Variants in TRPV2 observed in about 807,000 individuals in gnomAD.
TRPV2 encodes OTRPC2.
In TRPV2, 58 loss-of-function variants were observed where a neutral mutation model predicts 91.0. The observed-to-expected ratio is 0.64, with a 90% CI of 0.52 to 0.79. The LOEUF (loss-of-function observed/expected upper bound fraction) is 0.79, where lower values mean the gene tolerates loss of function less well. Among genes scored for constraint, TRPV2 ranks in the 30% least tolerant of loss-of-function variants. The pLI is 0.00. For synonymous variants in TRPV2, 417 were observed against 414.8 expected, an observed-to-expected ratio of 1.01 and a Z score of -0.06; for missense variants, 807 against 969.6, an observed-to-expected ratio of 0.83 and a Z score of 2.23.
chr17:16,428,703 CAG>C, intron 9 of TRPV2, 112 bp from the exon 10 acceptor site: 1 of 1,209,628 alleles, frequency 8.3e-7, no homozygotes, highest in Admixed American at 2.1e-5. Context: ...CTGAGGCCCA[CAG>C]AGGTTAAATG....
Position 16,420,006 on chromosome 17 carries a change from G to C in TRPV2, c.201-109G>C. 5 of 1,458,832 alleles carry C rather than the reference G, an allele frequency of 3.4e-6. No individual in the cohort carries two copies. The South Asian group carries it at 6.9e-5, about 20-fold the overall frequency. 90.4% of individuals were successfully genotyped at this position (1,458,832 alleles called of 1,614,324 possible). A position where few individuals can be genotyped will look rare whatever the true frequency, so the allele number is the denominator to read the frequency against. On this transcript the variant is annotated intron_variant, in intron 2 of 14. Transcript: ENST00000338560. Reference sequence around the variant, plus strand: ...CTCTCACTGGGCTCCTGGGCCTGAGGGGTGTGCAGTGTGTACAGGACTCCC... The same window carrying C: ...CTCTCACTGGGCTCCTGGGCCTGAGCGGTGTGCAGTGTGTACAGGACTCCC...
chr17:16,431,866 G>A lies in TRPV2; in HGVS notation c.1654+16G>A, dbSNP rs563005967. ...TTCGCTGTAGGTAAAGGCTCCCTCCGGCCCCCTCCCCCTTCCCCACGTTCC... is the reference window on the plus strand; with the variant it reads ...TTCGCTGTAGGTAAAGGCTCCCTCCAGCCCCCTCCCCCTTCCCCACGTTCC... On this transcript the variant is annotated intron_variant, in intron 11 of 14. Transcript: ENST00000338560. The A allele has an allele frequency of 1.4e-5, 23 of 1,613,932 alleles. No homozygotes were observed. In the East Asian group the frequency reaches 1.6e-4, roughly 11 times the overall value.
intron 2 of TRPV2, 114 bp downstream of exon 2, chr17:16,417,982 G>A: frequency 1.9e-6 from 2 of 1,067,958 alleles, no homozygotes; most frequent in Non-Finnish European, 2.7e-6. Flanking sequence ...CACAGCCTGT[G>A]GAGTCCTCAG....
chr17:16,426,771 C>T lies in TRPV2; in HGVS notation c.1145C>T (p.Ala382Val), dbSNP rs750738797. ...GAGCCCCTGAACAAACTGCTGCAGG[C>T]GAAATGGGATCTGCTCATCCCCAAG... ...VLEPLNKLLQ[A>V]KWDLLIPKFF... Residue 382 changes from alanine to valine, a missense_variant, in exon 7 of 15, where the codon GCG becomes GTG. Ala to Val is a moderately conservative substitution (Grantham distance 64). Transcript: ENST00000338560. This position sits in a 1 kb window ranked among gnomAD's most constrained non-coding sequence, Gnocchi z 6.0. The T allele has an allele frequency of 3.7e-6, 6 of 1,614,004 alleles. No homozygotes were observed. The highest frequency in any genetic ancestry group is 3.3e-5 in the Admixed American group (2 of 60,010).
At position 16,426,382 on chromosome 17, in the gene TRPV2, G is replaced by C; in HGVS notation, c.1095+113G>C. ...TCTGCCCCATTCCTGTGCCAGTGGGGGTGTGGCTGCATGTCCCAGCAGGCA... is the reference window on the plus strand; with the variant it reads ...TCTGCCCCATTCCTGTGCCAGTGGGCGTGTGGCTGCATGTCCCAGCAGGCA... On this transcript the variant is annotated intron_variant, in intron 6 of 14. Coordinates refer to ENST00000338560, the MANE Select transcript of TRPV2 (RefSeq NM_016113.5). The surrounding 1 kb of genome is among the most constrained non-coding windows in gnomAD (Gnocchi z 6.0). The C allele has an allele frequency of 7.5e-7, 1 of 1,339,658 alleles. No individual in the cohort carries two copies. The highest frequency in any genetic ancestry group is 1.0e-6 in the Non-Finnish European group (1 of 983,934). 83.0% of individuals were successfully genotyped at this position (1,339,658 alleles called of 1,614,324 possible). A position where few individuals can be genotyped will look rare whatever the true frequency, so the allele number is the denominator to read the frequency against.
rs138068074 is a variant in TRPV2, at chr17:16,433,544, C to T, written c.1990-30C>T. 55 of 1,610,796 alleles carry T rather than the reference C, an allele frequency of 3.4e-5. No homozygotes were observed. In the African/African-American group the frequency reaches 5.7e-4, roughly 17 times the overall value. ...TTTGCCCCCAGGCAGGGTCCCAGGA[C>T]GTTCTGTCTGATGCATCCTTTGTCC... On this transcript the variant is annotated intron_variant, in intron 12 of 14. Coordinates refer to ENST00000338560, the MANE Select transcript of TRPV2 (RefSeq NM_016113.5).
chr17:16,419,539 C>T, intron 2 of TRPV2: 1 of 403,590 alleles, frequency 2.5e-6, no homozygotes, highest in Non-Finnish European at 5.0e-6. Context: ...TGGCAAGTTA[C>T]ATGACCTCCT....
At chr17:16,433,465 GT>G in intron 12 of TRPV2, 108 bp from the exon 13 acceptor site, 2 of 1,478,234 alleles carry the variant, frequency 1.4e-6, no homozygotes, top group Non-Finnish European at 1.8e-6. Context: ...TTGACTTCGC[GT>G]TATACTGTGA....
chr17:16,424,571 C>T (rs2093374142), intron 5 of TRPV2, among the ~76,000 whole-genome samples: 1 of 152,200 alleles, frequency 6.6e-6, no homozygotes, highest in Non-Finnish European at 1.5e-5. Flanking sequence ...GCTGGGATTA[C>T]AGGTGTGAGC....
At chr17:16,418,973 G>A (rs1007321126) in intron 2 of TRPV2, among the ~76,000 whole-genome samples, 1 of 151,784 alleles carries the variant, frequency 6.6e-6, no homozygotes, top group Non-Finnish European at 1.5e-5. Flanking sequence ...AGAGGTTGCA[G>A]TGAGCAGAGA....
chr17:16,426,151 G>A lies in TRPV2; in HGVS notation c.977G>A (p.Arg326Gln), dbSNP rs368529239. The A allele has an allele frequency of 2.3e-5, 37 of 1,613,996 alleles. No homozygotes were observed. Among genetic ancestry groups the A allele is most frequent in the African/African-American group, 5.3e-5 (4 of 74,908 alleles). Residue 326 changes from arginine to glutamine, a missense_variant, in exon 6 of 15, where the codon CGA becomes CAA. Physicochemically the swap from Arg to Gln is conservative, Grantham distance 43. Transcript: ENST00000338560. This position sits in a 1 kb window ranked among gnomAD's most constrained non-coding sequence, Gnocchi z 6.0. Reference sequence around the variant, plus strand: ...TTTTCAGGACTGAGCCACCTTTCCCGAAAGTTCACCGAGTGGTGCTATGGG... The same window carrying A: ...TTTTCAGGACTGAGCCACCTTTCCCAAAAGTTCACCGAGTGGTGCTATGGG... ...REFSGLSHLS[R>Q]KFTEWCYGPV...
intron 10 of TRPV2, among the ~76,000 whole-genome samples, chr17:16,431,296 T>A (rs1222559002): frequency 0.01 from 640 of 61,826 alleles, 12 homozygotes; most frequent in Non-Finnish European, 0.018. Context: ...TACATATTTT[T>A]TTTTTTTTTT....
Position 16,428,392 on chromosome 17 carries a change from G to A in TRPV2, c.1421+5G>A, listed in dbSNP as rs1293846596. On this transcript the variant is annotated splice_donor_5th_base_variant and intron_variant, in intron 9 of 14. Coordinates refer to ENST00000338560, the MANE Select transcript of TRPV2 (RefSeq NM_016113.5). The stretch of plus-strand genomic sequence containing the variant: ...CAGCTACTTTGAAATCCTCTTGTAC[G>A]TGGGTTCTCACTCCTCCTTCTCTCA... The A allele has an allele frequency of 3.7e-6, 6 of 1,614,022 alleles. No individual in the cohort carries two copies. The highest frequency in any genetic ancestry group is 5.1e-6 in the Non-Finnish European group (6 of 1,179,892).
At chr17:16,431,315 A>G (rs1292034721) in intron 10 of TRPV2, among the ~76,000 whole-genome samples, 2 of 88,452 alleles carry the variant, frequency 2.3e-5, no homozygotes, top group Non-Finnish European at 4.1e-5. Flanking sequence ...TTTTTTTGAG[A>G]CGAAGTCTCA....
chr17:16,436,547 C>T (rs1403426820), intron 14 of TRPV2, among the ~76,000 whole-genome samples: 1 of 152,178 alleles, frequency 6.6e-6, no homozygotes, highest in Non-Finnish European at 1.5e-5. Flanking sequence ...ACAAGTCTGT[C>T]ACCTCCAGGC....
intron 1 of TRPV2, among the ~76,000 whole-genome samples, chr17:16,417,255 AT>A (rs34360076): frequency 0.12 from 15,524 of 133,696 alleles, 704 homozygotes; most frequent in Non-Finnish European, 0.13. Flanking sequence ...AAAAACCGCA[AT>A]TTTTTTTTTT....
intron 10 of TRPV2, among the ~76,000 whole-genome samples, chr17:16,429,350 A>G (rs1019441839): frequency 2.0e-5 from 3 of 152,216 alleles, no homozygotes; most frequent in Admixed American, 6.5e-5. Context: ...GGGAGTGCCT[A>G]CTGTGGGCCG....
In TRPV2 at chr17:16,422,101, G is replaced by A. The variant is rs187403204; in HGVS notation, c.335-498G>A. ...GGGCAGATCATGAGATCAGGAGATC[G>A]AGACCATCCTGGCTAACACGGTAAA... On this transcript the variant is annotated intron_variant, in intron 3 of 14. Transcript: ENST00000338560. Among the ~76,000 whole-genome samples the A allele has an allele frequency of 5.3e-5, 8 of 151,622 alleles. No individual in the cohort carries two copies. In the East Asian group the frequency reaches 7.8e-4, roughly 15 times the overall value.
chr17:16,420,088 A>G (rs2093349226), intron 2 of TRPV2, 27 bp from the exon 3 acceptor site: 6 of 1,604,644 alleles, frequency 3.7e-6, no homozygotes, highest in Non-Finnish European at 5.1e-6. Context: ...CTTCTCCAGC[A>G]TGAGTCACAA....
Sources: allele counts gnomAD v4.1 joint callset (sites outside exome capture counted in the v4.1 genomes callset), GRCh38; gene constraint gnomAD v4.1.1; non-coding constraint Gnocchi (gnomAD v3.1); transcripts MANE v1.5; gene names NCBI Gene and HGNC (gene_info 2026-07-23, HGNC 2026-07-21).